CAP2: variants seen among roughly 807,000 people sequenced by gnomAD.
CAP2 encodes the protein cyclase associated actin cytoskeleton regulatory protein 2, also known as adenylyl cyclase-associated protein 2.
A neutral mutation model predicts 57.7 loss-of-function variants in CAP2; 24 were observed. The observed-to-expected ratio is 0.42, with a 90% confidence interval of 0.30 to 0.58. The LOEUF is 0.58. CAP2 is among the 20% of genes least tolerant of loss of function. The pLI, the probability that CAP2 is intolerant of heterozygous loss-of-function variation, is 0.22. For synonymous variants in CAP2, 194 were observed against 207.2 expected (o/e 0.94, Z 0.55); for missense variants, 501 against 590.3 (o/e 0.85, Z 1.57).
At chr6:17,458,076 G>T (rs1760624483) in intron 3 of CAP2, among the ~76,000 whole-genome samples, 1 of 152,138 alleles carries the variant, frequency 6.6e-6, no homozygotes, top group Non-Finnish European at 1.5e-5. Context: ...TGGAAATGTG[G>T]TCATTAGAGA....
At chr6:17,533,147 C>A (rs186712493) in intron 7 of CAP2, among the ~76,000 whole-genome samples, 1 of 147,380 alleles carries the variant, frequency 6.8e-6, no homozygotes, top group African/African-American at 2.5e-5. Context: ...AGTAATAAAG[C>A]GATTAGTATT....
intron 1 of CAP2, among the ~76,000 whole-genome samples, chr6:17,414,828 A>T (rs772519213): frequency 6.6e-6 from 1 of 152,244 alleles, no homozygotes; most frequent in Non-Finnish European, 1.5e-5. Context: ...AGGAATCGCC[A>T]TACTGTCTTC....
At chr6:17,542,757 G>A in intron 9 of CAP2, 80 bp from the exon 10 acceptor site, 1 of 1,115,390 alleles carries the variant, frequency 9.0e-7, no homozygotes. Context: ...ACTTCATGCT[G>A]AGCTCGTACT....
At chr6:17,454,819 C>T (rs955949223) in intron 3 of CAP2, among the ~76,000 whole-genome samples, 4 of 152,184 alleles carry the variant, frequency 2.6e-5, no homozygotes, top group Admixed American at 6.5e-5. Flanking sequence ...AAGTCTCTCT[C>T]TGGGCAATAA....
intron 2 of CAP2, 126 bp from the exon 3 acceptor site, chr6:17,426,464 A>T: frequency 1.5e-6 from 1 of 678,152 alleles, no homozygotes; most frequent in Non-Finnish European, 2.7e-6. Context: ...TAAACTCCTG[A>T]CCTCAGGTGA....
intron 3 of CAP2, among the ~76,000 whole-genome samples, chr6:17,445,362 C>G (rs540864591): frequency 1.6e-4 from 25 of 152,248 alleles, no homozygotes; most frequent in Admixed American, 1.4e-3. Flanking sequence ...CCATCTCGGC[C>G]TCCGAAAGTG....
At chr6:17,527,334 A>T (rs1030695381) in intron 7 of CAP2, among the ~76,000 whole-genome samples, 1 of 152,170 alleles carries the variant, frequency 6.6e-6, no homozygotes, top group Non-Finnish European at 1.5e-5. Context: ...TGTTTCTTTG[A>T]TGAGTATACT....
rs547002887 is a variant in CAP2 at position 17,429,374 on chromosome 6, C to G, written c.222+2684C>G. Among the ~76,000 whole-genome samples the G allele has an allele frequency of 3.3e-5, 5 of 151,746 alleles. No individual in the cohort carries two copies. The South Asian group carries it at 1.0e-3, about 31-fold the overall frequency. On this transcript the variant is annotated intron_variant, in intron 3 of 12. Transcript: ENST00000229922. ...CTGAGGTACACAGTACATTATAACTCATTAGGAGTATCTCAAAAATTCTAG... is the reference window on the plus strand; with the variant it reads ...CTGAGGTACACAGTACATTATAACTGATTAGGAGTATCTCAAAAATTCTAG...
At chr6:17,412,840 G>C (rs1759174473) in intron 1 of CAP2, among the ~76,000 whole-genome samples, 1 of 152,152 alleles carries the variant, frequency 6.6e-6, no homozygotes, top group African/African-American at 2.4e-5. Context: ...TTGTATATGT[G>C]GTTTCGATAG....
chr6:17,430,457 A>C (rs964362288), intron 3 of CAP2, among the ~76,000 whole-genome samples: 2 of 152,218 alleles, frequency 1.3e-5, no homozygotes, highest in Admixed American at 6.5e-5. Context: ...TCAAAGAAGC[A>C]GATCCTCTAG....
At chr6:17,478,728 A>AT (rs1437247337) in intron 4 of CAP2, among the ~76,000 whole-genome samples, 7 of 152,078 alleles carry the variant, frequency 4.6e-5, no homozygotes, top group Non-Finnish European at 7.4e-5. Context: ...GTCCTCCCTG[A>AT]TGTCATGTCC....
intron 4 of CAP2, among the ~76,000 whole-genome samples, chr6:17,497,544 G>C (rs1320194280): frequency 2.0e-5 from 3 of 152,212 alleles, no homozygotes; most frequent in Non-Finnish European, 4.4e-5. Context: ...TCTCTCTGCA[G>C]CAATTTTGTA....
At chr6:17,531,342 C>CATTGT (rs1762634053) in intron 7 of CAP2, 1 of 1,408,518 alleles carries the variant, frequency 7.1e-7, no homozygotes, top group Non-Finnish European at 9.9e-7. Context: ...GGGCTCACAC[C>CATTGT]ATTGATACCT....
At chr6:17,398,287 T>C (rs1758720614) in intron 1 of CAP2, among the ~76,000 whole-genome samples, 3 of 152,140 alleles carry the variant, frequency 2.0e-5, no homozygotes, top group Non-Finnish European at 1.5e-5. Context: ...CCTCGTATTG[T>C]ATATCCTGCG....
rs10656588 is a variant in CAP2 at position 17,529,651 on chromosome 6, A to AAAAATATATATAT, written c.637-9617_637-9616insAAATATATATATA. ...GCAAGACTCCGTCTCAAAAAAAAAA[A>AAAAATATATATAT]ATATATATATATATATATATGTATA... On this transcript the variant is annotated intron_variant, in intron 7 of 12. Coordinates refer to ENST00000229922, the MANE Select transcript of CAP2 (RefSeq NM_006366.3). Among the ~76,000 whole-genome samples the AAAAATATATATAT allele has an allele frequency of 1.6e-4, 21 of 134,538 alleles. 1 individual carries two copies. Among genetic ancestry groups the AAAAATATATATAT allele is most frequent in the African/African-American group, 4.7e-4 (16 of 34,006 alleles). The allele number at this position is 134,538 out of a possible 152,430, so 88.3% of individuals were successfully genotyped here. A position where few individuals can be genotyped will look rare whatever the true frequency, so the allele number is the denominator to read the frequency against.
intron 4 of CAP2, among the ~76,000 whole-genome samples, chr6:17,479,347 T>C (rs1581554406): frequency 6.6e-6 from 1 of 152,088 alleles, no homozygotes; most frequent in Admixed American, 6.5e-5. Flanking sequence ...TGACCCCTCC[T>C]TTCCTCCACG....
chr6:17,452,507 C>G (rs548703848), intron 3 of CAP2, among the ~76,000 whole-genome samples: 5 of 152,104 alleles, frequency 3.3e-5, no homozygotes, highest in Non-Finnish European at 5.9e-5. Flanking sequence ...AGAAACATTC[C>G]GTACTTCTTT....
intron 4 of CAP2, among the ~76,000 whole-genome samples, chr6:17,467,578 C>T (rs1760899850): frequency 6.6e-6 from 1 of 152,162 alleles, no homozygotes; most frequent in Non-Finnish European, 1.5e-5. Context: ...GGCTGGAGTG[C>T]AGTGGCGCTA....
In CAP2 at chr6:17,498,989, A is replaced by G. The variant is rs1368514169; in HGVS notation, c.301-8180A>G. Among the ~76,000 whole-genome samples, 3 of 152,014 alleles carry G rather than the reference A, an allele frequency of 2.0e-5. No homozygotes were observed. In the East Asian group the frequency reaches 5.8e-4, roughly 30 times the overall value. ...CGTGATCCGCCCTCCTCGGCCTCCC[A>G]AAGTGCTGTGATTACAGGCGTGAGC... is the stretch of plus-strand genomic sequence containing the variant. On this transcript the variant is annotated intron_variant, in intron 4 of 12. Coordinates refer to ENST00000229922, the MANE Select transcript of CAP2 (RefSeq NM_006366.3).
Sources: gnomAD v4.1 joint callset for allele counts (sites outside exome capture counted in the v4.1 genomes callset) on GRCh38, gnomAD v4.1.1 for gene constraint, MANE v1.5 for transcripts, NCBI Gene and HGNC (gene_info 2026-07-23, HGNC 2026-07-21) for gene names.